Variants in SLC16A2 observed in about 807,000 individuals in gnomAD.
The protein encoded by SLC16A2 is solute carrier family 16 member 2.
In SLC16A2, 3 loss-of-function variants were observed where a neutral mutation model predicts 27.2. The ratio of observed to expected loss-of-function variants is 0.11; its 90% CI spans 0.05 to 0.28. The LOEUF (loss-of-function observed/expected upper bound fraction) is 0.28. Among genes scored for constraint, SLC16A2 ranks in the 10% least tolerant of loss-of-function variants. SLC16A2 has a pLI of 1.00. For missense variants in SLC16A2, 295 were observed against 458.5 expected, an observed-to-expected ratio of 0.64 and a Z score of 3.26; for synonymous variants, 202 against 187.8, an observed-to-expected ratio of 1.08 and a Z score of -0.62.
intron 1 of SLC16A2, among the ~76,000 whole-genome samples, chrX:74,500,414 A>T (rs1002811191): frequency 1.8e-5 from 2 of 111,359 alleles, no homozygotes; most frequent in Non-Finnish European, 3.8e-5. Flanking sequence ...TTTTAAAAAA[A>T]TTTTCCATAT....
chrX:74,479,235 G>C (rs150985175), intron 1 of SLC16A2, among the ~76,000 whole-genome samples: 1 of 111,013 alleles, frequency 9.0e-6, no homozygotes, highest in Non-Finnish European at 1.9e-5. Context: ...TCATTCATTT[G>C]ATCTTCCATC....
At chrX:74,437,464 T>A (rs1382525179) in intron 1 of SLC16A2, among the ~76,000 whole-genome samples, 1 of 112,195 alleles carries the variant, frequency 8.9e-6, no homozygotes, top group Non-Finnish European at 1.9e-5. Context: ...AGTATCTTCA[T>A]TACCCTACAC....
intron 1 of SLC16A2, among the ~76,000 whole-genome samples, chrX:74,436,309 C>G (rs1366650231): frequency 9.0e-6 from 1 of 111,630 alleles, no homozygotes; most frequent in African/African-American, 3.3e-5. Flanking sequence ...CTGGAAATCT[C>G]TTTAATAATC....
chrX:74,454,793 A>C (rs1283802227), intron 1 of SLC16A2, among the ~76,000 whole-genome samples: 1 of 111,417 alleles, frequency 9.0e-6, no homozygotes, highest in Non-Finnish European at 1.9e-5. Flanking sequence ...CTTTGCCATA[A>C]TGTCTTTCAT....
chrX:74,502,326 C>T (rs1039289184), intron 1 of SLC16A2, among the ~76,000 whole-genome samples: 1 of 111,350 alleles, frequency 9.0e-6, no homozygotes, highest in Non-Finnish European at 1.9e-5. Flanking sequence ...ATACCAGCCT[C>T]ATCAGTGGCA....
intron 1 of SLC16A2, among the ~76,000 whole-genome samples, chrX:74,446,620 AAAAC>A (rs77126990): frequency 3.6e-4 from 38 of 106,847 alleles, no homozygotes; most frequent in African/African-American, 4.5e-4. Flanking sequence ...ACCCTGTTTC[AAAAC>A]AAACAAACAA....
At chrX:74,527,166 G>A (rs1445618312) in intron 4 of SLC16A2, among the ~76,000 whole-genome samples, 1 of 112,176 alleles carries the variant, frequency 8.9e-6, no homozygotes, top group Non-Finnish European at 1.9e-5. Context: ...GCCAAGATAG[G>A]CTTAGGACCC....
At position 74,502,358 on chromosome X, in the gene SLC16A2, C is replaced by A. The variant is rs1930051542; in HGVS notation, c.431-18632C>A. Among the ~76,000 whole-genome samples, 3 of 109,540 alleles carry A rather than the reference C, an allele frequency of 2.7e-5. No homozygotes were observed. In the South Asian group the frequency reaches 1.2e-3, roughly 43 times the overall value. ...GGCAGCTTCAGTCCTGCCTCCATAC[C>A]CTTGCGGATATAATAACCACAGTCA... is the stretch of plus-strand genomic sequence containing the variant. On this transcript the variant is annotated intron_variant, in intron 1 of 5. Transcript: ENST00000587091.
chrX:74,460,656 T>C (rs1929121422), intron 1 of SLC16A2, among the ~76,000 whole-genome samples: 1 of 111,376 alleles, frequency 9.0e-6, no homozygotes, highest in African/African-American at 3.3e-5. Context: ...AGCAGGTTTT[T>C]TGTTTGTTTT....
At chrX:74,451,472 G>A (rs780532196) in intron 1 of SLC16A2, among the ~76,000 whole-genome samples, 1 of 112,408 alleles carries the variant, frequency 8.9e-6, no homozygotes, top group Admixed American at 9.4e-5. Context: ...GACTGTGTGA[G>A]ATTATTCAGA....
chrX:74,517,442 A>G (rs1005968189), intron 1 of SLC16A2, among the ~76,000 whole-genome samples: 4 of 111,741 alleles, frequency 3.6e-5, no homozygotes, highest in Non-Finnish European at 5.6e-5. Context: ...ATAAAATGTC[A>G]GTAAGATGAT....
At chrX:74,478,996 C>T (rs1263797594) in intron 1 of SLC16A2, among the ~76,000 whole-genome samples, 2 of 110,631 alleles carry the variant, frequency 1.8e-5, no homozygotes, top group South Asian at 3.9e-4. Flanking sequence ...ATCTTTGTGG[C>T]GTTCTCTGTA....
intron 1 of SLC16A2, among the ~76,000 whole-genome samples, chrX:74,469,349 A>G (rs771973343): frequency 1.8e-5 from 2 of 111,796 alleles, no homozygotes; most frequent in Non-Finnish European, 3.8e-5. Flanking sequence ...CAGCAGTGGG[A>G]ATGCTGGATC....
chrX:74,434,768 G>A (rs1928591382), intron 1 of SLC16A2, among the ~76,000 whole-genome samples: 1 of 109,207 alleles, frequency 9.2e-6, no homozygotes, highest in Non-Finnish European at 1.9e-5. Flanking sequence ...AATATTGAAT[G>A]ATAAAAATTC....
chrX:74,452,813 G>A, intron 1 of SLC16A2, among the ~76,000 whole-genome samples: 1 of 111,111 alleles, frequency 9.0e-6, no homozygotes, highest in Non-Finnish European at 1.9e-5. Flanking sequence ...TGGAGCCCCA[G>A]AACCTCAGCA....
chrX:74,462,004 C>T (rs1332557730), intron 1 of SLC16A2, among the ~76,000 whole-genome samples: 1 of 111,476 alleles, frequency 9.0e-6, no homozygotes, highest in Non-Finnish European at 1.9e-5. Context: ...GCCTTTCAGC[C>T]CAGTCCAGGC....
Position 74,529,197 on chromosome X carries a change from GC to G in SLC16A2, c.1171-13del. ...GCTGGCCAGCACAACCTGACCTCAG[GC>G]CCTTGTTTCTCCAGGTCCTTTCCTT... On this transcript the variant is annotated splice_polypyrimidine_tract_variant and intron_variant, in intron 4 of 5. Coordinates refer to ENST00000587091, the MANE Select transcript of SLC16A2 (RefSeq NM_006517.5). 8.5e-7 allele frequency: 1 copy of G among 1,177,791 alleles called. No homozygotes were observed. The highest frequency in any genetic ancestry group is 2.2e-5 in the Admixed American group (1 of 45,726).
intron 5 of SLC16A2, among the ~76,000 whole-genome samples, chrX:74,530,611 A>T (rs1056644114): frequency 4.5e-5 from 5 of 110,229 alleles, no homozygotes; most frequent in African/African-American, 1.7e-4. Flanking sequence ...GCCTCTACTC[A>T]CCCCCTGATC....
At chrX:74,514,471 G>A (rs904949776) in intron 1 of SLC16A2, among the ~76,000 whole-genome samples, 3 of 111,133 alleles carry the variant, frequency 2.7e-5, no homozygotes, top group African/African-American at 6.5e-5. Flanking sequence ...CAACCTCCCC[G>A]CCTCCCATGC....
Sources: gnomAD v4.1 joint callset for allele counts (sites outside exome capture counted in the v4.1 genomes callset) on GRCh38, gnomAD v4.1.1 for gene constraint, MANE v1.5 for transcripts, NCBI Gene and HGNC (gene_info 2026-07-23, HGNC 2026-07-21) for gene names.